Variants in BLM observed in about 807,000 individuals in gnomAD.
BLM encodes the protein BLM RecQ like helicase.
Under a neutral mutation model 135.3 loss-of-function variants are expected in BLM, and 95 were observed. The observed-to-expected ratio is 0.70, with a 90% CI of 0.59 to 0.83. BLM has a LOEUF of 0.83. Among genes scored for constraint, BLM ranks in the 40% least tolerant of loss-of-function variants. The pLI, the probability that BLM is intolerant of heterozygous loss-of-function variation, is 0.00. For synonymous variants in BLM, 520 were observed against 589.2 expected (o/e 0.88, Z 1.70); for missense variants, 1,518 against 1,663.9 (o/e 0.91, Z 1.53).
intron 14 of BLM, 92 bp downstream of exon 14, chr15:90,785,173 TG>T (rs1896715604): frequency 7.4e-7 from 1 of 1,352,756 alleles, no homozygotes; most frequent in Non-Finnish European, 1.0e-6. Context: ...GTTTTTACCT[TG>T]AAGGTAGTAA....
At chr15:90,798,879 A>G (rs1897096859) in intron 17 of BLM, among the ~76,000 whole-genome samples, 1 of 152,168 alleles carries the variant, frequency 6.6e-6, no homozygotes. Context: ...GCTACTCGGG[A>G]GGCTGAGGCA....
At chr15:90,804,078 C>T (rs28368997) in intron 18 of BLM, 89 bp from the exon 19 acceptor site, 2 of 1,268,826 alleles carry the variant, frequency 1.6e-6, no homozygotes, top group South Asian at 1.3e-5. Flanking sequence ...AATTGCCCCC[C>T]AAAAATGCAA....
At chr15:90,775,890 G>C (rs766288527) in intron 12 of BLM, among the ~76,000 whole-genome samples, 11 of 151,994 alleles carry the variant, frequency 7.2e-5, no homozygotes, top group African/African-American at 2.2e-4. Context: ...ATGAGGTCTC[G>C]TTATATTGTT....
intron 12 of BLM, among the ~76,000 whole-genome samples, 174 bp from the exon 13 acceptor site, chr15:90,782,648 A>G (rs879405872): frequency 2.0e-5 from 3 of 152,040 alleles, no homozygotes; most frequent in Admixed American, 1.3e-4. Context: ...ATTTTTGAGC[A>G]CTTATCTCAT....
intron 19 of BLM, among the ~76,000 whole-genome samples, chr15:90,806,171 A>G (rs989812577): frequency 2.0e-5 from 3 of 152,204 alleles, no homozygotes; most frequent in African/African-American, 7.2e-5. Context: ...GTATCTTAAT[A>G]TAGTTGGCAT....
intron 1 of BLM, among the ~76,000 whole-genome samples, chr15:90,744,958 G>A (rs1328812190): frequency 3.3e-5 from 5 of 151,804 alleles, no homozygotes; most frequent in Non-Finnish European, 2.9e-5. Flanking sequence ...GGGTGAGGTG[G>A]GAGGAACACT....
intron 12 of BLM, among the ~76,000 whole-genome samples, chr15:90,770,314 G>A (rs879063665): frequency 2.0e-5 from 3 of 151,804 alleles, no homozygotes. Flanking sequence ...AGCTGGGACT[G>A]TAGGCGCCCG....
rs28385070 is a variant in BLM at position 90,790,176 on chromosome 15, C to T, written c.2824-473C>T. 2.6e-3 allele frequency: 492 copies of T among 185,920 alleles called. 12 individuals carry two copies. The highest frequency in any genetic ancestry group is 0.023 in the Admixed American group (425 of 18,338). 11.5% of individuals were successfully genotyped at this position (185,920 alleles called of 1,614,324 possible). A position where few individuals can be genotyped will look rare whatever the true frequency, so the allele number is the denominator to read the frequency against. ...TGATAAGCAGTGGAGCAGGTAAGAA[C>T]GTATTGTTCCTGAACCATTGGAGGA... On this transcript the variant is annotated intron_variant, in intron 14 of 21. Coordinates refer to ENST00000355112, the MANE Select transcript of BLM (RefSeq NM_000057.4).
intron 5 of BLM, among the ~76,000 whole-genome samples, chr15:90,757,174 T>C (rs1423142660): frequency 6.6e-6 from 1 of 152,232 alleles, no homozygotes; most frequent in Non-Finnish European, 1.5e-5. Flanking sequence ...AATTTTGCTT[T>C]GAATTTACAT....
At position 90,803,521 on chromosome 15, in the gene BLM, G is replaced by T; in HGVS notation, c.3359G>T (p.Gly1120Val). 1 of 1,611,686 alleles carries T rather than the reference G, an allele frequency of 6.2e-7. No homozygotes were observed. The highest frequency in any genetic ancestry group is 1.1e-5 in the South Asian group (1 of 91,026). The part of the protein sequence containing the change: ...TMNMLVDIFL[G>V]SKSAKIQSGI... Reference sequence around the variant, plus strand: ...CTTACTTCCTGTATCTTCTTATCAGGGAGTAAGAGTGCAAAAATCCAGTCA... The same window carrying T: ...CTTACTTCCTGTATCTTCTTATCAGTGAGTAAGAGTGCAAAAATCCAGTCA... The change falls in exon 18 of 22, where the codon GGG becomes GTG. Residue 1120 changes from glycine to valine, a missense_variant and splice_region_variant. Transcript: ENST00000355112.
intron 12 of BLM, among the ~76,000 whole-genome samples, chr15:90,772,720 C>T (rs1896354854): frequency 6.6e-6 from 1 of 152,138 alleles, no homozygotes; most frequent in African/African-American, 2.4e-5. Flanking sequence ...ACAAGATAAG[C>T]TAGAACCCCC....
intron 1 of BLM, among the ~76,000 whole-genome samples, chr15:90,739,712 A>G (rs1895314273): frequency 6.6e-6 from 1 of 152,142 alleles, no homozygotes; most frequent in Non-Finnish European, 1.5e-5. Flanking sequence ...ATAATCTGGA[A>G]GTGTCTCTAT....
intron 1 of BLM, among the ~76,000 whole-genome samples, chr15:90,725,802 C>A (rs1393361297): frequency 6.6e-6 from 1 of 151,886 alleles, no homozygotes; most frequent in South Asian, 2.1e-4. Flanking sequence ...TGAGCCACCG[C>A]GCCCAGCCTA....
At chr15:90,775,508 A>G (rs1227931081) in intron 12 of BLM, among the ~76,000 whole-genome samples, 1 of 146,474 alleles carries the variant, frequency 6.8e-6, no homozygotes, top group Non-Finnish European at 1.5e-5. Flanking sequence ...TTTTATATAT[A>G]TATGTGTGTG....
chr15:90,773,335 G>A (rs1896378494), intron 12 of BLM, among the ~76,000 whole-genome samples: 2 of 150,906 alleles, frequency 1.3e-5, no homozygotes, highest in Non-Finnish European at 3.0e-5. Flanking sequence ...CAGGAAAATT[G>A]GTTGTACCTG....
intron 13 of BLM, among the ~76,000 whole-genome samples, chr15:90,784,061 G>T (rs1896680756): frequency 6.6e-6 from 1 of 151,614 alleles, no homozygotes; most frequent in Non-Finnish European, 1.5e-5. Flanking sequence ...TATATATCAT[G>T]AGCATTTTCC....
chr15:90,736,628 A>C (rs1687916599), intron 1 of BLM, among the ~76,000 whole-genome samples: 1 of 152,182 alleles, frequency 6.6e-6, no homozygotes, highest in African/African-American at 2.4e-5. Context: ...GTAATTGTAA[A>C]ATATCAGGGA....
chr15:90,747,742 G>T (rs1895542647), intron 2 of BLM: 1 of 413,502 alleles, frequency 2.4e-6, no homozygotes, highest in Non-Finnish European at 4.4e-6. Flanking sequence ...ATGAATAATT[G>T]ATCTTGTAAA....
At chr15:90,728,229 T>C (rs1188469412) in intron 1 of BLM, among the ~76,000 whole-genome samples, 1 of 151,932 alleles carries the variant, frequency 6.6e-6, no homozygotes, top group African/African-American at 2.4e-5. Context: ...AGAGACAGGG[T>C]TTTGCTGTGT....
Sources: gnomAD v4.1 joint callset for allele counts (sites outside exome capture counted in the v4.1 genomes callset) on GRCh38, gnomAD v4.1.1 for gene constraint, MANE v1.5 for transcripts, NCBI Gene and HGNC (gene_info 2026-07-23, HGNC 2026-07-21) for gene names.